The following TMEM62 variants were observed in gnomAD, a reference collection of about 807,000 sequenced individuals.
TMEM62 encodes the protein transmembrane protein 62.
A neutral mutation model predicts 70.4 loss-of-function variants in TMEM62; 41 were observed. That is an observed-to-expected ratio of 0.58 (90% CI 0.45 to 0.76). The LOEUF (loss-of-function observed/expected upper bound fraction) is 0.76, where lower values mean the gene tolerates loss of function less well. Ranked by LOEUF, TMEM62 falls within the 30% of genes least tolerant of loss-of-function variation. TMEM62 has a pLI of 0.00. For missense variants in TMEM62, 688 were observed against 788.5 expected, an observed-to-expected ratio of 0.87 and a Z score of 1.53; for synonymous variants, 268 against 291.0, an observed-to-expected ratio of 0.92 and a Z score of 0.80.
intron 5 of TMEM62, 117 bp downstream of exon 5, chr15:43,146,751 T>G (rs1567189407): frequency 3.1e-6 from 3 of 979,478 alleles, no homozygotes; most frequent in South Asian, 1.9e-5. Context: ...TTGGAGAAAT[T>G]TAACTTGGTT....
At chr15:43,151,406 T>C (rs1004276237) in intron 7 of TMEM62, among the ~76,000 whole-genome samples, 1 of 152,126 alleles carries the variant, frequency 6.6e-6, no homozygotes. Context: ...TAATATTTTA[T>C]GTAGCATTGT....
intron 13 of TMEM62, among the ~76,000 whole-genome samples, chr15:43,181,849 TTTG>T (rs2041361641): frequency 6.6e-6 from 1 of 152,230 alleles, no homozygotes; most frequent in Non-Finnish European, 1.5e-5. Context: ...GAAAGAAGTT[TTTG>T]TTGTTTTTGT....
Position 43,146,566 on chromosome 15 carries a change from A to G in TMEM62, c.550A>G (p.Ile184Val), listed in dbSNP as rs148306034. 6.2e-7 allele frequency: 1 copy of G among 1,613,670 alleles called. No individual in the cohort carries two copies. The highest frequency in any genetic ancestry group is 8.5e-7 in the Non-Finnish European group (1 of 1,179,624). ...TACTCCCTTTGGCAACTATTCGTTC[A>G]TCTGTGTAGATGCCACTGTAAATCC... Reference protein sequence around the residue: ...HSTPFGNYSFICVDATVNPGP... With the variant: ...HSTPFGNYSFVCVDATVNPGP... Residue 184 changes from isoleucine (I) to valine (V), a missense_variant, in exon 5 of 14, where the codon ATC (isoleucine) becomes GTC (valine). Ile to Val is a conservative substitution (Grantham distance 29, BLOSUM62 3). Transcript: ENST00000260403.
At position 43,133,910 on chromosome 15, in the gene TMEM62, G is replaced by C. The variant is rs2034768489; in HGVS notation, c.108G>C (p.Pro36=). The C allele has an allele frequency of 6.7e-7, 1 of 1,496,052 alleles. No individual in the cohort carries two copies. 92.7% of individuals were successfully genotyped at this position (1,496,052 alleles called of 1,614,324 possible). The stretch of plus-strand genomic sequence containing the variant: ...TGGCGGGCCAGCCCTCGCCGCTGCC[G>C]CGCCCCGCGCCCCCCAGGAGGCCGC... The part of the protein sequence containing the change: ...YGLAGQPSPL[P]RPAPPRRPHP... The change falls in exon 1 of 14, where the codon CCG becomes CCC. Residue 36 remains proline, a synonymous_variant. Coordinates refer to ENST00000260403, the MANE Select transcript of TMEM62 (RefSeq NM_024956.4).
Position 43,149,106 on chromosome 15 carries a change from A to G in TMEM62, c.821A>G (p.Gln274Arg). 6.2e-7 allele frequency: 1 copy of G among 1,614,146 alleles called. No homozygotes were observed. The highest frequency in any genetic ancestry group is 8.5e-7 in the Non-Finnish European group (1 of 1,180,014). ...CCTGTTTTGCACACTCGTCACTTCC[A>G]GGGCACTTTGGAACTTGAGGTGGGA... ...LMPVLHTRHF[Q>R]GTLELEVGDW... is the part of the protein sequence containing the mutation. Residue 274 changes from glutamine to arginine, a missense_variant, in exon 7 of 14, where the codon CAG (glutamine) becomes CGG (arginine). Gln to Arg is a conservative substitution (Grantham distance 43, BLOSUM62 1). Coordinates refer to ENST00000260403, the MANE Select transcript of TMEM62 (RefSeq NM_024956.4).
chr15:43,166,827 A>T (rs1262376945), intron 10 of TMEM62, among the ~76,000 whole-genome samples: 2 of 152,204 alleles, frequency 1.3e-5, no homozygotes, highest in Admixed American at 6.5e-5. Flanking sequence ...GATACACCAC[A>T]TGTTTCAGAG....
At chr15:43,160,543 A>T (rs1278363889) in intron 9 of TMEM62, 138 bp from the exon 10 acceptor site, 5 of 595,622 alleles carry the variant, frequency 8.4e-6, no homozygotes, top group Non-Finnish European at 1.4e-5. Context: ...AAACCTTGAA[A>T]AACAACAACA....
intron 7 of TMEM62, among the ~76,000 whole-genome samples, chr15:43,151,235 G>T (rs2037332314): frequency 6.6e-6 from 1 of 151,316 alleles, no homozygotes; most frequent in Non-Finnish European, 1.5e-5. Flanking sequence ...TACTTGGGAG[G>T]CTGAGGCAGA....
At chr15:43,134,647 T>C (rs890346663) in intron 2 of TMEM62, among the ~76,000 whole-genome samples, 5 of 152,234 alleles carry the variant, frequency 3.3e-5, no homozygotes, top group African/African-American at 9.6e-5. Context: ...GATATATTTG[T>C]ATCTGGTTTT....
intron 3 of TMEM62, 84 bp downstream of exon 3, chr15:43,135,733 A>G (rs930537326): frequency 1.9e-4 from 277 of 1,454,858 alleles, no homozygotes; most frequent in Non-Finnish European, 2.5e-4. Flanking sequence ...AGATTGTAAA[A>G]TTATAAAGTG....
At chr15:43,138,319 C>A (rs2035517714) in intron 3 of TMEM62, among the ~76,000 whole-genome samples, 1 of 152,118 alleles carries the variant, frequency 6.6e-6, no homozygotes. Flanking sequence ...TGAGTCTACC[C>A]TTTCCTTAGG....
intron 11 of TMEM62, among the ~76,000 whole-genome samples, chr15:43,176,219 G>T (rs901668344): frequency 3.9e-5 from 6 of 152,388 alleles, no homozygotes; most frequent in Admixed American, 3.9e-4. Context: ...GCTCAAGGAG[G>T]CCTGCCTGCC....
At chr15:43,154,858 G>A in intron 9 of TMEM62, 27 bp downstream of exon 9, 3 of 1,541,688 alleles carry the variant, frequency 1.9e-6, no homozygotes, top group Non-Finnish European at 2.6e-6. Context: ...TATTTACTAT[G>A]TAAATGATTA....
chr15:43,160,797 A>T lies in TMEM62; in HGVS notation c.1296+3A>T. On this transcript the variant is annotated splice_donor_region_variant and intron_variant, in intron 10 of 13. Coordinates refer to ENST00000260403, the MANE Select transcript of TMEM62 (RefSeq NM_024956.4). ...TCCGTACTGATCACTACATCATGGT[A>T]AGTGAATTCAATTAAATATTACATA... 6.6e-7 allele frequency: 1 copy of T among 1,510,784 alleles called. No individual in the cohort carries two copies. The allele number at this position is 1,510,784 out of a possible 1,614,324, so 93.6% of individuals were successfully genotyped here. A position where few individuals can be genotyped will look rare whatever the true frequency, so the allele number is the denominator to read the frequency against.
rs368359156 is a variant in TMEM62, at chr15:43,178,696, C to A, written c.1471C>A (p.Leu491Met). Residue 491 changes from leucine (L) to methionine (M), a missense_variant, in exon 12 of 14, where the codon CTG (leucine) becomes ATG (methionine). Leu to Met is a conservative substitution (Grantham distance 15). Coordinates refer to ENST00000260403, the MANE Select transcript of TMEM62 (RefSeq NM_024956.4). ...CTACTATTCTGTGTTGTTGTTGACCCTGTATACAGTGCTGGGTAAGTAAAT... is the reference window on the plus strand; with the variant it reads ...CTACTATTCTGTGTTGTTGTTGACCATGTATACAGTGCTGGGTAAGTAAAT... The part of the protein sequence containing the change: ...IFYYSVLLLT[L>M]YTVLGPWFFG... The A allele has an allele frequency of 1.2e-6, 2 of 1,609,018 alleles. No homozygotes were observed. The highest frequency in any genetic ancestry group is 8.5e-7 in the Non-Finnish European group (1 of 1,176,024).
In TMEM62 at chr15:43,149,188, A is replaced by G. The variant is rs370381213; in HGVS notation, c.866+37A>G. 32 of 1,600,750 alleles carry G rather than the reference A, an allele frequency of 2.0e-5. No individual in the cohort carries two copies. In the Admixed American group the frequency reaches 2.4e-4, roughly 12 times the overall value. The stretch of plus-strand genomic sequence containing the variant: ...TCCCCATAGAAGAAAACTTATACAC[A>G]TAAGTTTTGCCAAAGCAATGATAGT... On this transcript the variant is annotated intron_variant, in intron 7 of 13. Transcript: ENST00000260403.
chr15:43,167,223 C>A (rs533285444), intron 10 of TMEM62, among the ~76,000 whole-genome samples: 8,054 of 151,442 alleles, frequency 0.053, 347 homozygotes, highest in Non-Finnish European at 0.079. Flanking sequence ...GCTGACCCCC[C>A]ACCTCCCTCC....
In TMEM62 at chr15:43,149,091, A is replaced by C. The variant is rs149912749; in HGVS notation, c.806A>C (p.His269Pro). 4 of 1,614,056 alleles carry C rather than the reference A, an allele frequency of 2.5e-6. No homozygotes were observed. Among genetic ancestry groups the C allele is most frequent in the Middle Eastern group, 1.6e-4 (1 of 6,062 alleles). The change falls in exon 7 of 14, where the codon CAC (histidine) becomes CCC (proline). Residue 269 changes from histidine to proline, a missense_variant. Physicochemically the swap from His to Pro is moderately conservative, Grantham distance 77 (BLOSUM62 -2). Coordinates refer to ENST00000260403, the MANE Select transcript of TMEM62 (RefSeq NM_024956.4). The part of the protein sequence containing the change: ...HTLGGLMPVL[H>P]TRHFQGTLEL... Reference sequence around the variant, plus strand: ...CTTGGTGGACTGATGCCTGTTTTGCACACTCGTCACTTCCAGGGCACTTTG... The same window carrying C: ...CTTGGTGGACTGATGCCTGTTTTGCCCACTCGTCACTTCCAGGGCACTTTG...
chr15:43,151,128 C>G (rs1465761586), intron 7 of TMEM62, among the ~76,000 whole-genome samples: 1 of 152,020 alleles, frequency 6.6e-6, no homozygotes, highest in African/African-American at 2.4e-5. Context: ...GGGGGATCAC[C>G]TGCGGTCAGG....
Sources: allele counts gnomAD v4.1 joint callset (sites outside exome capture counted in the v4.1 genomes callset), GRCh38; gene constraint gnomAD v4.1.1; transcripts MANE v1.5; gene names NCBI Gene and HGNC (gene_info 2026-07-23, HGNC 2026-07-21).